The following FREM3 variants were observed in gnomAD, a reference collection of about 807,000 sequenced individuals.
The protein encoded by FREM3 is FRAS1-related extracellular matrix protein 3.
In FREM3, 105 loss-of-function variants were observed where a neutral mutation model predicts 129.1. The observed-to-expected ratio is 0.81, with a 90% CI of 0.69 to 0.96. FREM3 has a LOEUF of 0.96. FREM3 is among the 40% of genes least tolerant of loss of function. FREM3 has a pLI of 0.00. For synonymous variants in FREM3, 1,014 were observed against 1,044.9 expected, an observed-to-expected ratio of 0.97 and a Z score of 0.57; for missense variants, 2,593 against 2,666.3, an observed-to-expected ratio of 0.97 and a Z score of 0.61.
chr4:143,678,914 G>A (rs1160333085), intron 2 of FREM3, among the ~76,000 whole-genome samples: 3 of 152,044 alleles, frequency 2.0e-5, no homozygotes, highest in African/African-American at 4.8e-5. Context: ...TGCAAGTAAG[G>A]TTTAGATGCA....
intron 2 of FREM3, among the ~76,000 whole-genome samples, chr4:143,667,261 A>T (rs566832017): frequency 1.3e-5 from 2 of 152,318 alleles, no homozygotes; most frequent in Admixed American, 6.5e-5. Flanking sequence ...CAGATCTCTT[A>T]AATTAAGATC....
At chr4:143,600,034 T>A (rs540863635) in intron 6 of FREM3, among the ~76,000 whole-genome samples, 697 of 152,274 alleles carry the variant, frequency 4.6e-3, no homozygotes, top group Non-Finnish European at 8.3e-3. Context: ...CATGCTGGCA[T>A]CCAGCATGAG....
chr4:143,622,552 A>G (rs1738970565), intron 4 of FREM3, among the ~76,000 whole-genome samples: 1 of 152,032 alleles, frequency 6.6e-6, no homozygotes, highest in Non-Finnish European at 1.5e-5. Context: ...ATCAACCTCC[A>G]GGAAGACACT....
intron 2 of FREM3, among the ~76,000 whole-genome samples, chr4:143,642,037 T>C (rs1020678146): frequency 6.6e-6 from 1 of 151,090 alleles, no homozygotes; most frequent in African/African-American, 2.4e-5. Flanking sequence ...CCTGCAGTCA[T>C]GTTAAACAGA....
rs111416576 is a variant in FREM3, at chr4:143,644,731, C to T, written c.5276-16971G>A. 7.6e-4 allele frequency among the ~76,000 whole-genome samples: 116 copies of T among 152,170 alleles called. 1 individual carries two copies. The highest frequency in any genetic ancestry group is 2.6e-3 in the African/African-American group (108 of 41,514). ...TCTTGGAGTTTATAAGGAAAGTAAACATTTTCTCACAAAGAACATATAAAC... is the reference window on the plus strand; with the variant it reads ...TCTTGGAGTTTATAAGGAAAGTAAATATTTTCTCACAAAGAACATATAAAC... On this transcript the variant is annotated intron_variant, in intron 2 of 7. Coordinates refer to ENST00000329798, the MANE Select transcript of FREM3 (RefSeq NM_001168235.2).
In FREM3 at chr4:143,698,137, G is replaced by T. The variant is rs1345966451; in HGVS notation, c.2539C>A (p.Leu847Ile). ...GTAACATGCAGCTCATTACTGCTGAGGTTAAAGCTGCCTCCCTCTAAGATA... is the reference window on the plus strand; with the variant it reads ...GTAACATGCAGCTCATTACTGCTGATGTTAAAGCTGCCTCCCTCTAAGATA... Reference protein sequence around the residue: ...FAILEGGSFNLSSNELHVTDP... With the variant: ...FAILEGGSFNISSNELHVTDP... Residue 847 changes from leucine (L) to isoleucine (I), a missense_variant, in exon 1 of 8, where the codon CTC becomes ATC. Leu to Ile is a conservative substitution (Grantham distance 5, BLOSUM62 2). This residue lies in a region of FREM3 where 2,276 missense variants were observed against 2,267.2 expected (regional missense o/e 1.00). Coordinates refer to ENST00000329798, the MANE Select transcript of FREM3 (RefSeq NM_001168235.2). The T allele has an allele frequency of 2.6e-6, 4 of 1,537,354 alleles. No homozygotes were observed. Among genetic ancestry groups the T allele is most frequent in the Non-Finnish European group, 3.5e-6 (4 of 1,146,974 alleles).
intron 5 of FREM3, among the ~76,000 whole-genome samples, chr4:143,618,168 G>A (rs1237469048): frequency 6.6e-6 from 1 of 152,060 alleles, no homozygotes; most frequent in Non-Finnish European, 1.5e-5. Context: ...TGTCTGGCAC[G>A]GAGTCAGCTA....
Position 143,698,573 on chromosome 4 carries a change from C to T in FREM3, c.2103G>A (p.Leu701=). Residue 701 remains leucine, a synonymous_variant, in exon 1 of 8, where the codon CTG becomes CTA. Coordinates refer to ENST00000329798, the MANE Select transcript of FREM3 (RefSeq NM_001168235.2). ...TAGTTCCTGGATACAGCTGTGGACTCAGTATATCCACTGGTTGGACCTTGA... is the reference window on the plus strand; with the variant it reads ...TAGTTCCTGGATACAGCTGTGGACTTAGTATATCCACTGGTTGGACCTTGA... ...FTIKVQPVDI[L]SPQLYPGTTL... is the part of the protein sequence containing the mutation. 1 of 1,537,554 alleles carries T rather than the reference C, an allele frequency of 6.5e-7. No homozygotes were observed. Among genetic ancestry groups the T allele is most frequent in the Non-Finnish European group, 8.7e-7 (1 of 1,146,930 alleles).
chr4:143,679,719 G>A (rs1740217225), intron 2 of FREM3, among the ~76,000 whole-genome samples: 1 of 152,088 alleles, frequency 6.6e-6, no homozygotes, highest in Admixed American at 6.6e-5. Context: ...AGCCTTATCT[G>A]CTCCATTGCC....
At chr4:143,615,841 G>T (rs183447084) in intron 5 of FREM3, among the ~76,000 whole-genome samples, 576 of 145,806 alleles carry the variant, frequency 4.0e-3, no homozygotes, top group Non-Finnish European at 6.2e-3. Flanking sequence ...TCAGAAGGTG[G>T]TATCCCCCCA....
At chr4:143,642,789 A>G (rs902297454) in intron 2 of FREM3, among the ~76,000 whole-genome samples, 6 of 152,200 alleles carry the variant, frequency 3.9e-5, no homozygotes, top group Non-Finnish European at 8.8e-5. Context: ...GACAAATGGA[A>G]TGACATCAAA....
At position 143,698,778 on chromosome 4, in the gene FREM3, T is replaced by C; in HGVS notation, c.1898A>G (p.Glu633Gly). 6.5e-7 allele frequency: 1 copy of C among 1,537,556 alleles called. No homozygotes were observed. Among genetic ancestry groups the C allele is most frequent in the Non-Finnish European group, 8.7e-7 (1 of 1,146,990 alleles). The change falls in exon 1 of 8, where the codon GAA becomes GGA. Residue 633 changes from glutamate to glycine, a missense_variant. Physicochemically the swap from Glu to Gly is moderately conservative, Grantham distance 98. Transcript: ENST00000329798. ...CACTTTCTCATAAAGCCCTTCCTTT[T>C]CCATGTAGTGCCAGTCTTCATCTTC... Reference protein sequence around the residue: ...STEDEDWHYMEKEGLYEKVVT... With the variant: ...STEDEDWHYMGKEGLYEKVVT...
intron 2 of FREM3, among the ~76,000 whole-genome samples, chr4:143,676,126 G>A (rs185117786): frequency 0.014 from 2,185 of 152,228 alleles, 47 homozygotes; most frequent in African/African-American, 0.05. Flanking sequence ...GATGAACATT[G>A]ATGCAAAAAT....
intron 7 of FREM3, among the ~76,000 whole-genome samples, chr4:143,579,787 TA>T (rs1315617037): frequency 6.6e-6 from 1 of 152,220 alleles, no homozygotes; most frequent in Non-Finnish European, 1.5e-5. Context: ...TTAATATAGT[TA>T]ACTAACCTTA....
In FREM3 at chr4:143,696,737, A is replaced by G. The variant is rs1578874976; in HGVS notation, c.3939T>C (p.Asn1313=). ...AGTGTCCTTTCTCTACCTTCAGCCC[A>G]TTGTTGACAGTCAGGTGAGGAGTTT... The part of the protein sequence containing the change: ...DDETPHLTVN[N]GLKVEKGHSE... The change falls in exon 1 of 8, where the codon AAT becomes AAC. Residue 1313 remains asparagine (N), a synonymous_variant. Coordinates refer to ENST00000329798, the MANE Select transcript of FREM3 (RefSeq NM_001168235.2). 6 of 1,537,704 alleles carry G rather than the reference A, an allele frequency of 3.9e-6. No individual in the cohort carries two copies. Among genetic ancestry groups the G allele is most frequent in the Non-Finnish European group, 5.2e-6 (6 of 1,147,066 alleles).
chr4:143,658,540 C>A (rs142223485), intron 2 of FREM3, among the ~76,000 whole-genome samples: 97 of 152,308 alleles, frequency 6.4e-4, no homozygotes, highest in African/African-American at 2.3e-3. Context: ...ATGTCACCCA[C>A]CACCTTGTCT....
intron 5 of FREM3, among the ~76,000 whole-genome samples, chr4:143,619,858 G>A (rs924938901): frequency 5.9e-5 from 9 of 152,054 alleles, no homozygotes; most frequent in African/African-American, 2.4e-5. Flanking sequence ...TACAAACAAT[G>A]TTGTGGGGGT....
chr4:143,594,497 C>G (rs1738430919), intron 6 of FREM3, among the ~76,000 whole-genome samples: 1 of 152,166 alleles, frequency 6.6e-6, no homozygotes, highest in African/African-American at 2.4e-5. Context: ...AAGAATTTGT[C>G]AAATGGACAT....
chr4:143,640,442 A>G (rs537758849), intron 2 of FREM3, among the ~76,000 whole-genome samples: 1 of 152,340 alleles, frequency 6.6e-6, no homozygotes, highest in African/African-American at 2.4e-5. Flanking sequence ...TTACATAACT[A>G]TGTAGATAAT....
Sources: allele counts gnomAD v4.1 joint callset (sites outside exome capture counted in the v4.1 genomes callset), GRCh38; gene constraint gnomAD v4.1.1; regional missense constraint gnomAD v4.1.1; transcripts MANE v1.5; gene names NCBI Gene and HGNC (gene_info 2026-07-23, HGNC 2026-07-21).